TMEM87B: variants seen among roughly 807,000 people sequenced by gnomAD.
TMEM87B encodes the protein transmembrane protein 87B.
A neutral mutation model predicts 80.3 loss-of-function variants in TMEM87B; 83 were observed. That is an observed-to-expected ratio of 1.03 (90% CI 0.87 to 1.24). The LOEUF (loss-of-function observed/expected upper bound fraction) is 1.24, where lower values mean the gene tolerates loss of function less well. TMEM87B is among the 50% of genes most tolerant of loss of function. The pLI, the probability that TMEM87B is intolerant of heterozygous loss-of-function variation, is 0.00. For synonymous variants in TMEM87B, 219 were observed against 230.5 expected (o/e 0.95, Z 0.45); for missense variants, 625 against 674.4 (o/e 0.93, Z 0.81).
intron 17 of TMEM87B, among the ~76,000 whole-genome samples, chr2:112,109,511 A>G (rs941638789): frequency 5.9e-5 from 9 of 151,990 alleles, no homozygotes; most frequent in Admixed American, 3.9e-4. Context: ...TGTCTTTCCA[A>G]TATCTTCTGG....
At chr2:112,103,585 A>ATT (rs1393666933) in intron 15 of TMEM87B, among the ~76,000 whole-genome samples, 1 of 152,228 alleles carries the variant, frequency 6.6e-6, no homozygotes, top group African/African-American at 2.4e-5. Context: ...TTTTGTTTAT[A>ATT]TGAAAGGTCC....
In TMEM87B at chr2:112,116,375, T is replaced by C; in HGVS notation, c.*232T>C. 2 of 458,144 alleles carry C rather than the reference T, an allele frequency of 4.4e-6. No individual in the cohort carries two copies. Among genetic ancestry groups the C allele is most frequent in the Admixed American group, 3.7e-5 (1 of 26,920 alleles). The allele number at this position is 458,144 out of a possible 1,614,324, so 28.4% of individuals were successfully genotyped here. The stretch of plus-strand genomic sequence containing the variant: ...ATTTGGAAATAACCTGAGGAAAGTA[T>C]TATGATAAAGATCTGCACAGATGCC... On this transcript the variant is annotated 3_prime_UTR_variant, in exon 19 of 19. Transcript: ENST00000283206.
chr2:112,055,568 G>T lies in TMEM87B; in HGVS notation c.-24G>T, dbSNP rs1447305473. The T allele has an allele frequency of 1.4e-6, 2 of 1,479,312 alleles. No homozygotes were observed. The highest frequency in any genetic ancestry group is 2.2e-5 in the Admixed American group (1 of 45,096). 91.6% of individuals were successfully genotyped at this position (1,479,312 alleles called of 1,614,324 possible). A position where few individuals can be genotyped will look rare whatever the true frequency, so the allele number is the denominator to read the frequency against. On this transcript the variant is annotated 5_prime_UTR_variant, in exon 1 of 19. Transcript: ENST00000283206. ...GCGGGTGTGGCAGGCGTCTCGGAGC[G>T]CCAGGTGCAGCTTCCTGGTCAAGAT...
intron 1 of TMEM87B, among the ~76,000 whole-genome samples, chr2:112,057,858 G>A (rs981401333): frequency 7.2e-6 from 1 of 139,592 alleles, no homozygotes; most frequent in Non-Finnish European, 1.5e-5. Context: ...ACGAAGTTTC[G>A]CTTTTGCTGC....
intron 1 of TMEM87B, among the ~76,000 whole-genome samples, chr2:112,058,050 C>T (rs1406185139): frequency 1.3e-5 from 2 of 152,184 alleles, no homozygotes; most frequent in Admixed American, 6.5e-5. Context: ...TGGTCTCGAA[C>T]TCCTGACCTC....
At chr2:112,064,118 G>T in intron 2 of TMEM87B, 44 bp from the exon 3 acceptor site, 1 of 1,510,618 alleles carries the variant, frequency 6.6e-7, no homozygotes, top group Non-Finnish European at 9.2e-7. Flanking sequence ...ATATTAGAGT[G>T]TATGTATTAT....
Position 112,106,017 on chromosome 2 carries a change from T to C in TMEM87B, c.1466T>C (p.Leu489Ser), listed in dbSNP as rs201299749. The C allele has an allele frequency of 1.4e-5, 22 of 1,571,726 alleles. No homozygotes were observed. Among genetic ancestry groups the C allele is most frequent in the Non-Finnish European group, 3.4e-6 (4 of 1,164,500 alleles). Reference protein sequence around the residue: ...TSENLTEGIKLRASKSVSNGT... With the variant: ...TSENLTEGIKSRASKSVSNGT... ...TCTCTCGTAGCCGAAGGAATAAAAT[T>C]AAGAGCCTCAAAATCAGTTTCCAAT... Residue 489 changes from leucine to serine, a missense_variant, in exon 16 of 19, where the codon TTA (leucine) becomes TCA (serine). By Grantham distance (145) the Leu-to-Ser change is moderately radical. Transcript: ENST00000283206.
At chr2:112,072,045 G>T (rs1678655550) in intron 4 of TMEM87B, among the ~76,000 whole-genome samples, 1 of 152,126 alleles carries the variant, frequency 6.6e-6, no homozygotes, top group African/African-American at 2.4e-5. Context: ...ATGATCATGT[G>T]GTTTCTGTCT....
intron 3 of TMEM87B, among the ~76,000 whole-genome samples, chr2:112,066,236 T>C (rs1347470256): frequency 6.6e-6 from 1 of 152,246 alleles, no homozygotes; most frequent in East Asian, 1.9e-4. Context: ...TCTTCCTTTG[T>C]TAGCATTCTA....
At chr2:112,090,070 G>A (rs1021504302) in intron 10 of TMEM87B, among the ~76,000 whole-genome samples, 4 of 152,178 alleles carry the variant, frequency 2.6e-5, no homozygotes, top group African/African-American at 9.7e-5. Context: ...AATGTATCAA[G>A]TGAACAGAAA....
intron 11 of TMEM87B, among the ~76,000 whole-genome samples, chr2:112,094,077 T>C (rs1679384500): frequency 6.6e-6 from 1 of 152,216 alleles, no homozygotes; most frequent in Non-Finnish European, 1.5e-5. Context: ...TTCATTCAAT[T>C]AATTAAGCTG....
chr2:112,066,880 A>G, intron 3 of TMEM87B, 56 bp from the exon 4 acceptor site: 2 of 1,436,212 alleles, frequency 1.4e-6, no homozygotes, highest in South Asian at 1.5e-5. Context: ...TTTTATTTAT[A>G]TTCTAGGATA....
chr2:112,116,001 C>A, intron 18 of TMEM87B, 83 bp from the exon 19 acceptor site: 2 of 985,700 alleles, frequency 2.0e-6, no homozygotes, highest in South Asian at 1.4e-5. Flanking sequence ...CTAAATGTGG[C>A]TGTTGAAAGA....
chr2:112,077,323 T>G lies in TMEM87B; in HGVS notation c.592+41T>G, dbSNP rs545345540. 4.5e-6 allele frequency: 5 copies of G among 1,111,092 alleles called. No individual in the cohort carries two copies. The East Asian group carries it at 1.3e-4, about 28-fold the overall frequency. The allele number at this position is 1,111,092 out of a possible 1,614,324, so 68.8% of individuals were successfully genotyped here. On this transcript the variant is annotated intron_variant, in intron 6 of 18. Transcript: ENST00000283206. ...ATGCATGTTTACTGTCTGCATTTTCTGTATTCTGTATTTTTGTCACTGACC... is the reference window on the plus strand; with the variant it reads ...ATGCATGTTTACTGTCTGCATTTTCGGTATTCTGTATTTTTGTCACTGACC...
rs1206047564 is a variant in TMEM87B, at chr2:112,066,927, C to T, written c.319-9C>T. ...AATAAATTATAACATAGAATTTTAC[C>T]TTATATAGGAGCTGTTCCAAAAACA... On this transcript the variant is annotated splice_polypyrimidine_tract_variant and intron_variant, in intron 3 of 18. Transcript: ENST00000283206. 7.7e-6 allele frequency: 12 copies of T among 1,563,476 alleles called. No homozygotes were observed. In the Admixed American group the frequency reaches 2.3e-4, roughly 30 times the overall value.
intron 6 of TMEM87B, among the ~76,000 whole-genome samples, chr2:112,078,861 A>G (rs1678902201): frequency 6.6e-6 from 1 of 152,196 alleles, no homozygotes; most frequent in Admixed American, 6.5e-5. Context: ...TAAATTAGCA[A>G]GGGGGCCAGT....
intron 1 of TMEM87B, among the ~76,000 whole-genome samples, chr2:112,057,489 T>C (rs1678114343): frequency 6.6e-6 from 1 of 152,254 alleles, no homozygotes; most frequent in Non-Finnish European, 1.5e-5. Flanking sequence ...TTGTCAAGGC[T>C]GGTCTTTAAC....
Position 112,056,445 on chromosome 2 carries a change from A to G in TMEM87B, c.165+689A>G, listed in dbSNP as rs1217312247. Among the ~76,000 whole-genome samples the G allele has an allele frequency of 2.6e-5, 4 of 152,112 alleles. No homozygotes were observed. The East Asian group carries it at 5.8e-4, about 22-fold the overall frequency. ...GGGTGGAAACTCTTCTTTCCAAGGC[A>G]GGCTATTAGAAAACTTGGCGTCTGG... On this transcript the variant is annotated intron_variant, in intron 1 of 18. Coordinates refer to ENST00000283206, the MANE Select transcript of TMEM87B (RefSeq NM_032824.3).
chr2:112,060,110 G>A, intron 2 of TMEM87B, 73 bp downstream of exon 2: 3 of 1,370,846 alleles, frequency 2.2e-6, no homozygotes, highest in Non-Finnish European at 2.9e-6. Flanking sequence ...CACTTTGGGA[G>A]GCCGAGGCAG....
Sources: gnomAD v4.1 joint callset for allele counts (sites outside exome capture counted in the v4.1 genomes callset) on GRCh38, gnomAD v4.1.1 for gene constraint, MANE v1.5 for transcripts, NCBI Gene and HGNC (gene_info 2026-07-23, HGNC 2026-07-21) for gene names.